DNAH6: variants seen among roughly 807,000 people sequenced by gnomAD.
DNAH6 encodes the protein axonemal beta dynein heavy chain 6.
A neutral mutation model predicts 491.4 loss-of-function variants in DNAH6; 340 were observed. The ratio of observed to expected loss-of-function variants is 0.69; its 90% CI spans 0.63 to 0.76. The LOEUF is 0.76. Among genes scored for constraint, DNAH6 ranks in the 30% least tolerant of loss-of-function variants. DNAH6 has a pLI of 0.00. For synonymous variants in DNAH6, 1,603 were observed against 1,686.1 expected, an observed-to-expected ratio of 0.95 and a Z score of 1.21; for missense variants, 4,443 against 4,972.2, an observed-to-expected ratio of 0.89 and a Z score of 3.20.
At chr2:84,465,512 AAAAG>A in the DNAH6 span, among the ~76,000 whole-genome samples, 1 of 152,210 alleles carries the variant, frequency 6.6e-6, no homozygotes, top group Non-Finnish European at 1.5e-5. Context: ...AAAGAAAAAA[AAAAG>A]AAAACATTCA....
intron 14 of DNAH6, among the ~76,000 whole-genome samples, chr2:84,581,484 T>C (rs1269291875): frequency 6.6e-6 from 1 of 152,190 alleles, no homozygotes; most frequent in African/African-American, 2.4e-5. Flanking sequence ...ACAAAGAGCA[T>C]AGGAATAAGA....
intron 60 of DNAH6, among the ~76,000 whole-genome samples, chr2:84,726,157 A>G (rs1698606788): frequency 1.3e-5 from 2 of 152,114 alleles, no homozygotes; most frequent in African/African-American, 4.8e-5. Context: ...ATTTCTAGGG[A>G]GGAGTGGAGG....
chr2:84,628,461 C>T (rs72922736), intron 29 of DNAH6, among the ~76,000 whole-genome samples: 6,157 of 152,190 alleles, frequency 0.04, 405 homozygotes, highest in African/African-American at 0.14. Flanking sequence ...TGGTCAGATG[C>T]ACTACCTTTC....
the DNAH6 span, among the ~76,000 whole-genome samples, chr2:84,475,520 C>G: frequency 6.6e-6 from 1 of 152,074 alleles, no homozygotes; most frequent in African/African-American, 2.4e-5. Context: ...TTTGTGTGTC[C>G]AAATTGCCCA....
chr2:84,585,212 C>A (rs946249957), intron 15 of DNAH6, among the ~76,000 whole-genome samples: 3 of 152,170 alleles, frequency 2.0e-5, no homozygotes, highest in African/African-American at 7.2e-5. Flanking sequence ...AATGAATTAT[C>A]TGAAAGTAAA....
chr2:84,742,136 G>A (rs723134), intron 62 of DNAH6, among the ~76,000 whole-genome samples: 5,664 of 152,220 alleles, frequency 0.037, 122 homozygotes, highest in Middle Eastern at 0.095. Flanking sequence ...GAGGCAGCAC[G>A]CAATACCTGC....
chr2:84,812,928 G>A (rs568525097), intron 73 of DNAH6, 130 bp from the exon 74 acceptor site: 6 of 699,472 alleles, frequency 8.6e-6, no homozygotes, highest in East Asian at 8.1e-5. Flanking sequence ...GCAGTGAAAT[G>A]GGGGTGGTGA....
At position 84,787,219 on chromosome 2, in the gene DNAH6, G is replaced by A. The variant is rs1346014223; in HGVS notation, c.11156G>A (p.Ser3719Asn). Residue 3719 changes from serine (S) to asparagine (N), a missense_variant, in exon 68 of 77, where the codon AGT (serine) becomes AAT (asparagine). By Grantham distance (46) the Ser-to-Asn change is conservative. Coordinates refer to ENST00000389394, the MANE Select transcript of DNAH6 (RefSeq NM_001370.2). ...GWNICYEFND[S>N]DRECALLNLK... ...AATATCTGCTATGAATTTAATGACAGTGACAGGGAATGTGCTTTACTGAAT... is the reference window on the plus strand; with the variant it reads ...AATATCTGCTATGAATTTAATGACAATGACAGGGAATGTGCTTTACTGAAT... 1.3e-6 allele frequency: 2 copies of A among 1,541,958 alleles called. No individual in the cohort carries two copies. Among genetic ancestry groups the A allele is most frequent in the East Asian group, 4.9e-5 (2 of 40,612 alleles).
chr2:84,784,369 GA>G (rs1348254781), intron 65 of DNAH6, among the ~76,000 whole-genome samples: 1 of 152,150 alleles, frequency 6.6e-6, no homozygotes, highest in East Asian at 1.9e-4. Flanking sequence ...AAATCCTCAT[GA>G]AAATAAATAC....
intron 59 of DNAH6, 56 bp downstream of exon 59, chr2:84,718,440 T>A: frequency 7.3e-7 from 1 of 1,377,432 alleles, no homozygotes; most frequent in Non-Finnish European, 9.6e-7. Flanking sequence ...AAGTTATAAC[T>A]ACAGCCTTTG....
At chr2:84,581,267 C>T (rs957749645) in intron 14 of DNAH6, among the ~76,000 whole-genome samples, 1 of 152,138 alleles carries the variant, frequency 6.6e-6, no homozygotes, top group Admixed American at 6.5e-5. Context: ...TGTCCCATCT[C>T]CAGGAGGTTG....
chr2:84,721,060 G>A (rs1428331028), intron 59 of DNAH6, among the ~76,000 whole-genome samples: 1 of 152,256 alleles, frequency 6.6e-6, no homozygotes, highest in Non-Finnish European at 1.5e-5. Context: ...CAAGCCTGTA[G>A]GGCATAATGT....
intron 11 of DNAH6, among the ~76,000 whole-genome samples, chr2:84,562,925 C>T (rs982296156): frequency 3.0e-4 from 46 of 152,142 alleles, no homozygotes; most frequent in Admixed American, 1.8e-3. Context: ...TTGTAGCTCC[C>T]GTATCCCTAA....
chr2:84,561,677 A>G (rs1239745128), intron 11 of DNAH6, among the ~76,000 whole-genome samples: 1 of 152,180 alleles, frequency 6.6e-6, no homozygotes, highest in African/African-American at 2.4e-5. Context: ...TCTACAATGA[A>G]CTCAAACAAA....
intron 74 of DNAH6, among the ~76,000 whole-genome samples, chr2:84,813,364 T>C (rs546115294): frequency 4.6e-5 from 7 of 152,312 alleles, no homozygotes; most frequent in African/African-American, 1.4e-4. Flanking sequence ...GTTACATAAG[T>C]GCAGGCACTG....
At chr2:84,466,132 C>T in the DNAH6 span, among the ~76,000 whole-genome samples, 6 of 152,268 alleles carry the variant, frequency 3.9e-5, no homozygotes, top group Admixed American at 1.3e-4. Context: ...CCTGTGAGAA[C>T]GTGGCATTCT....
chr2:84,670,810 T>A (rs564849983), intron 39 of DNAH6, among the ~76,000 whole-genome samples: 9 of 152,358 alleles, frequency 5.9e-5, no homozygotes, highest in African/African-American at 2.2e-4. Flanking sequence ...TTGGGTTATC[T>A]GAATTCAGTG....
chr2:84,625,572 G>A (rs377733303), intron 29 of DNAH6, among the ~76,000 whole-genome samples: 16 of 152,008 alleles, frequency 1.1e-4, no homozygotes, highest in African/African-American at 3.9e-4. Context: ...TACGTATGTT[G>A]ATATTTACCA....
rs539169542 is a variant in DNAH6 at position 84,707,538 on chromosome 2, C to G, written c.8870C>G (p.Thr2957Arg). The G allele has an allele frequency of 6.4e-7, 1 of 1,551,016 alleles. No individual in the cohort carries two copies. The highest frequency in any genetic ancestry group is 8.7e-7 in the Non-Finnish European group (1 of 1,146,652). ...KESLAKTMALTKARLVRAGKL... is the reference protein window; with the variant it reads ...KESLAKTMALRKARLVRAGKL... ...TTTCTAGCAAAGACCATGGCCCTGA[C>G]AAAAGCACGTCTAGTACGTGCTGGA... Residue 2957 changes from threonine (T) to arginine (R), a missense_variant, in exon 54 of 77, where the codon ACA (threonine) becomes AGA (arginine). Thr to Arg is a moderately conservative substitution (Grantham distance 71). Transcript: ENST00000389394.
Sources: allele counts gnomAD v4.1 joint callset (sites outside exome capture counted in the v4.1 genomes callset), GRCh38; gene constraint gnomAD v4.1.1; transcripts MANE v1.5; gene names NCBI Gene and HGNC (gene_info 2026-07-23, HGNC 2026-07-21).